The following GOLGA3 variants were observed in gnomAD, a reference collection of about 807,000 sequenced individuals.
GOLGA3 encodes golgin A3.
A neutral mutation model predicts 169.4 loss-of-function variants in GOLGA3; 75 were observed. The observed-to-expected ratio is 0.44, with a 90% CI of 0.37 to 0.54. The LOEUF (loss-of-function observed/expected upper bound fraction) is 0.54. Among genes scored for constraint, GOLGA3 ranks in the 20% least tolerant of loss-of-function variants. GOLGA3 has a pLI of 0.00. For missense variants in GOLGA3, 1,899 were observed against 1,930.0 expected, an observed-to-expected ratio of 0.98 and a Z score of 0.30; for synonymous variants, 824 against 822.4, an observed-to-expected ratio of 1.00 and a Z score of -0.03.
At chr12:132,797,556 C>CA (rs1478387115) in intron 9 of GOLGA3, among the ~76,000 whole-genome samples, 1 of 152,054 alleles carries the variant, frequency 6.6e-6, no homozygotes, top group African/African-American at 2.4e-5. Context: ...ACTAAAAATA[C>CA]AAAAAATTAG....
rs2046104131 is a variant in GOLGA3 at position 132,789,382 on chromosome 12, C to G, written c.2548-92G>C. ...AGCTGGCTTCAACAAAAATGTTTAC[C>G]ACTTATCGGGGGCATAACTTTTTTG... is the stretch of plus-strand genomic sequence containing the variant. On this transcript the variant is annotated intron_variant, in intron 12 of 23. Coordinates refer to ENST00000450791, the MANE Select transcript of GOLGA3 (RefSeq NM_001389683.1). 5.4e-6 allele frequency: 6 copies of G among 1,119,170 alleles called. No homozygotes were observed. In the South Asian group the frequency reaches 9.5e-5, roughly 18 times the overall value. The allele number at this position is 1,119,170 out of a possible 1,614,324, so 69.3% of individuals were successfully genotyped here.
intron 17 of GOLGA3, among the ~76,000 whole-genome samples, chr12:132,781,318 T>C (rs984396143): frequency 2.7e-5 from 4 of 150,590 alleles, no homozygotes; most frequent in African/African-American, 7.3e-5. Context: ...TCCCAGCACT[T>C]TGGGAGGCCG....
chr12:132,804,686 A>C lies in GOLGA3; in HGVS notation c.1597+30T>G, dbSNP rs377455033. 9 of 1,561,254 alleles carry C rather than the reference A, an allele frequency of 5.8e-6. No homozygotes were observed. Among genetic ancestry groups the C allele is most frequent in the Non-Finnish European group, 7.9e-6 (9 of 1,139,980 alleles). ...AGGGAGCAGCAGGGACCAGTCAGGGAGGGGAGGGCGTGGCCAGGGCCAGCC... is the reference window on the plus strand; with the variant it reads ...AGGGAGCAGCAGGGACCAGTCAGGGCGGGGAGGGCGTGGCCAGGGCCAGCC... On this transcript the variant is annotated intron_variant, in intron 7 of 23. Transcript: ENST00000450791. The surrounding 1 kb of genome is among the most constrained non-coding windows in gnomAD (Gnocchi z 4.1).
intron 9 of GOLGA3, 36 bp from the exon 10 acceptor site, chr12:132,796,736 A>G (rs774131646): frequency 6.2e-7 from 1 of 1,605,982 alleles, no homozygotes; most frequent in Admixed American, 1.7e-5. Context: ...AAAGGCAGGA[A>G]ACCTTAATAG....
Position 132,808,536 on chromosome 12 carries a change from G to C in GOLGA3, c.533C>G (p.Ala178Gly), listed in dbSNP as rs1035700902. 6.3e-7 allele frequency: 1 copy of C among 1,591,318 alleles called. No homozygotes were observed. Among genetic ancestry groups the C allele is most frequent in the Non-Finnish European group, 8.6e-7 (1 of 1,167,630 alleles). ...KRQQERSSQPATKTRLFSTLD... is the reference protein window; with the variant it reads ...KRQQERSSQPGTKTRLFSTLD... ...CGTGCTAAAAAGTCTCGTTTTGGTT[G>C]CAGGTTGACTGGACTGAGAAGAAAA... Residue 178 changes from alanine (A) to glycine (G), a missense_variant, in exon 5 of 24, where the codon GCA (alanine) becomes GGA (glycine). Physicochemically the swap from Ala to Gly is moderately conservative, Grantham distance 60. Transcript: ENST00000450791.
intron 22 of GOLGA3, chr12:132,774,836 G>A (rs144564538): frequency 3.7e-5 from 18 of 484,864 alleles, no homozygotes; most frequent in African/African-American, 2.4e-4. Context: ...CACAGCTCCC[G>A]GGCCCCAGCC....
At position 132,787,619 on chromosome 12, in the gene GOLGA3, C is replaced by CT. The variant is rs1312772023; in HGVS notation, c.2812-833_2812-832insA. ...CCCTGGGACCCTTCCCCGGAGACCC[C>CT]GGGACCCCTCCCCGGAGACCACGGG... On this transcript the variant is annotated intron_variant, in intron 13 of 23. Transcript: ENST00000450791. Among the ~76,000 whole-genome samples the CT allele has an allele frequency of 5.6e-3, 625 of 112,304 alleles. 51 individuals carry two copies. Among genetic ancestry groups the CT allele is most frequent in the South Asian group, 0.014 (42 of 2,904 alleles). 73.7% of individuals were successfully genotyped at this position (112,304 alleles called of 152,430 possible). A position where few individuals can be genotyped will look rare whatever the true frequency, so the allele number is the denominator to read the frequency against.
chr12:132,788,360 A>G (rs1256909031), intron 13 of GOLGA3, among the ~76,000 whole-genome samples: 2 of 151,956 alleles, frequency 1.3e-5, no homozygotes, highest in African/African-American at 4.8e-5. Context: ...ACTCTCCCCA[A>G]ATTTACTGTT....
In GOLGA3 at chr12:132,789,154, C is replaced by A; in HGVS notation, c.2684G>T (p.Arg895Leu). ...QELMQVHGEK[R>L]TAEAELSRLH... ...GCGCGAGAGCTCCGCCTCGGCAGTCCGCTTCTCCCCGTGCACTTGCATCAG... is the reference window on the plus strand; with the variant it reads ...GCGCGAGAGCTCCGCCTCGGCAGTCAGCTTCTCCCCGTGCACTTGCATCAG... The change falls in exon 13 of 24, where the codon CGG (arginine) becomes CTG (leucine). Residue 895 changes from arginine to leucine, a missense_variant. By Grantham distance (102) the Arg-to-Leu change is moderately radical. Transcript: ENST00000450791. The A allele has an allele frequency of 6.2e-7, 1 of 1,612,572 alleles. No homozygotes were observed. Among genetic ancestry groups the A allele is most frequent in the Non-Finnish European group, 8.5e-7 (1 of 1,180,018 alleles).
intron 4 of GOLGA3, among the ~76,000 whole-genome samples, chr12:132,812,027 TA>T (rs983732833): frequency 4.2e-4 from 51 of 121,120 alleles, no homozygotes; most frequent in African/African-American, 4.8e-4. Context: ...AAAAAAACAT[TA>T]AAAAAAAAAA....
chr12:132,814,024 T>C (rs888111149), intron 3 of GOLGA3, among the ~76,000 whole-genome samples: 15 of 28,426 alleles, frequency 5.3e-4, no homozygotes, highest in Non-Finnish European at 8.1e-4. Context: ...GCGCCCGGCC[T>C]TTTTTTTTTT....
At chr12:132,792,652 G>A (rs1329556876) in intron 11 of GOLGA3, among the ~76,000 whole-genome samples, 1 of 150,828 alleles carries the variant, frequency 6.6e-6, no homozygotes. Context: ...CGACCGCACG[G>A]GACCTGCACT....
At position 132,773,063 on chromosome 12, in the gene GOLGA3, A is replaced by G. The variant is rs748355968; in HGVS notation, c.*42T>C. Reference sequence around the variant, plus strand: ...CAATCAAATAAATAACATTGATAAGAGCCTTCTGGGGCAGCGGCGCACGGA... The same window carrying G: ...CAATCAAATAAATAACATTGATAAGGGCCTTCTGGGGCAGCGGCGCACGGA... On this transcript the variant is annotated 3_prime_UTR_variant, in exon 24 of 24. Coordinates refer to ENST00000450791, the MANE Select transcript of GOLGA3 (RefSeq NM_001389683.1). 2.7e-5 allele frequency: 35 copies of G among 1,317,752 alleles called. No homozygotes were observed. Among genetic ancestry groups the G allele is most frequent in the Admixed American group, 5.5e-5 (2 of 36,220 alleles). The allele number at this position is 1,317,752 out of a possible 1,614,324, so 81.6% of individuals were successfully genotyped here.
intron 18 of GOLGA3, among the ~76,000 whole-genome samples, chr12:132,779,743 G>A (rs940614145): frequency 1.2e-4 from 17 of 137,088 alleles, no homozygotes; most frequent in African/African-American, 2.5e-4. Context: ...ACACACGTGC[G>A]CACACACACC....
chr12:132,769,425 A>G lies in GOLGA3; in HGVS notation c.*3680T>C, dbSNP rs892982249. On this transcript the variant is annotated 3_prime_UTR_variant, in exon 24 of 24. Transcript: ENST00000450791. ...GAGTTGAGGGCCAGCTCCTTAGCGC[A>G]GCACAGCACGGACTGTGTTCTGGTG... 3.9e-5 allele frequency: 6 copies of G among 152,264 alleles called. No homozygotes were observed. The highest frequency in any genetic ancestry group is 5.9e-5 in the Non-Finnish European group (4 of 68,060). The allele number at this position is 152,264 out of a possible 1,614,324, so 9.4% of individuals were successfully genotyped here.
chr12:132,803,572 T>C (rs1949235801), intron 7 of GOLGA3, among the ~76,000 whole-genome samples: 1 of 152,126 alleles, frequency 6.6e-6, no homozygotes, highest in Non-Finnish European at 1.5e-5. Flanking sequence ...GTTGAGAACT[T>C]TTTGGGTTTC....
Position 132,782,290 on chromosome 12 carries a change from G to C in GOLGA3, c.3465+6C>G, listed in dbSNP as rs1306484666. The C allele has an allele frequency of 6.2e-7, 1 of 1,610,934 alleles. No homozygotes were observed. The highest frequency in any genetic ancestry group is 1.3e-5 in the African/African-American group (1 of 74,894). On this transcript the variant is annotated splice_donor_region_variant and intron_variant, in intron 17 of 23. Transcript: ENST00000450791. ...TTGCTGGCGTGAGTTTGACGAGTTT[G>C]AATACCTGAAGGTTCAACTGGACTA...
chr12:132,798,907 A>T (rs1440718441), intron 8 of GOLGA3, among the ~76,000 whole-genome samples: 1 of 152,204 alleles, frequency 6.6e-6, no homozygotes, highest in Admixed American at 6.5e-5. Context: ...CATTCCAGGG[A>T]TACAGCCTTT....
At chr12:132,821,471 G>C (rs1243513073) in intron 2 of GOLGA3, among the ~76,000 whole-genome samples, 1 of 151,912 alleles carries the variant, frequency 6.6e-6, no homozygotes, top group Non-Finnish European at 1.5e-5. Flanking sequence ...TCCCTTCAGG[G>C]AAACACTGCT....
Sources: gnomAD v4.1 joint callset for allele counts (sites outside exome capture counted in the v4.1 genomes callset) on GRCh38, gnomAD v4.1.1 for gene constraint, Gnocchi (gnomAD v3.1) non-coding constraint, MANE v1.5 for transcripts, NCBI Gene and HGNC (gene_info 2026-07-23, HGNC 2026-07-21) for gene names.